The following TRIM49C variants were observed in gnomAD, a reference collection of about 807,000 sequenced individuals.
TRIM49C encodes tripartite motif containing 49C.
Under a neutral mutation model 21.4 loss-of-function variants are expected in TRIM49C, and 6 were observed. The ratio of observed to expected loss-of-function variants is 0.28; its 90% CI spans 0.15 to 0.55. The LOEUF is 0.55. Among genes scored for constraint, TRIM49C ranks in the 20% least tolerant of loss-of-function variants. The pLI is 0.94. For missense variants in TRIM49C, 161 were observed against 442.4 expected (o/e 0.36, Z 5.71); for synonymous variants, 57 against 148.1 (o/e 0.38, Z 4.47).
the TRIM49C span, among the ~76,000 whole-genome samples, chr11:90,063,295 A>G: frequency 7.9e-6 from 1 of 126,396 alleles, no homozygotes; most frequent in Non-Finnish European, 1.6e-5. Context: ...TGTAACGTAA[A>G]CCTATCCTCC....
At chr11:90,065,562 G>T in the TRIM49C span, among the ~76,000 whole-genome samples, 6 of 139,700 alleles carry the variant, frequency 4.3e-5, no homozygotes, top group Non-Finnish European at 9.3e-5. Flanking sequence ...TGGCTGATTA[G>T]GTTTATAAGG....
chr11:90,045,029 G>A (rs1327358847), downstream of TRIM49C, among the ~76,000 whole-genome samples: 1 of 110,476 alleles, frequency 9.1e-6, no homozygotes, highest in African/African-American at 3.3e-5. Context: ...TTATTAAATA[G>A]GGAATCCTTT....
At chr11:90,055,090 G>A in the TRIM49C span, among the ~76,000 whole-genome samples, 5 of 144,524 alleles carry the variant, frequency 3.5e-5, no homozygotes, top group Admixed American at 7.2e-5. Flanking sequence ...ATCTCAGATC[G>A]CTTGGAAAAA....
intron 6 of TRIM49C, among the ~76,000 whole-genome samples, chr11:90,039,349 G>A (rs1302772936): frequency 7.7e-6 from 1 of 129,526 alleles, no homozygotes; most frequent in Non-Finnish European, 1.6e-5. Flanking sequence ...AAAAAGTGTT[G>A]ATGTTTTGTT....
the TRIM49C span, among the ~76,000 whole-genome samples, chr11:90,066,222 G>A: frequency 1.8e-3 from 248 of 134,294 alleles, 26 homozygotes; most frequent in African/African-American, 6.0e-3. Context: ...GTTTCACCAT[G>A]TTGCTTAAGC....
intron 6 of TRIM49C, among the ~76,000 whole-genome samples, chr11:90,039,660 T>G (rs1165918591): frequency 7.5e-6 from 1 of 133,136 alleles, no homozygotes; most frequent in Admixed American, 8.6e-5. Flanking sequence ...AAAAGAAGGA[T>G]CAGATTGGAT....
At chr11:90,049,174 C>A in the TRIM49C span, among the ~76,000 whole-genome samples, 585 of 122,792 alleles carry the variant, frequency 4.8e-3, 154 homozygotes, top group Non-Finnish European at 8.6e-4. Context: ...CAGTCTGCCC[C>A]TACTGGGGGT....
chr11:90,038,569 T>C, intron 5 of TRIM49C, 124 bp from the exon 6 acceptor site: 1 of 1,228,706 alleles, frequency 8.1e-7, no homozygotes, highest in Non-Finnish European at 1.1e-6. Flanking sequence ...AGAAAATACT[T>C]TCCAGAAGAG....
chr11:90,052,696 C>A, the TRIM49C span: 2 of 151,498 alleles, frequency 1.3e-5, no homozygotes, highest in Non-Finnish European at 2.9e-5. Context: ...GGACACCCGC[C>A]CCTACTAGCT....
chr11:90,056,429 A>C, the TRIM49C span, among the ~76,000 whole-genome samples: 17 of 102,832 alleles, frequency 1.7e-4, no homozygotes, highest in African/African-American at 5.8e-4. Flanking sequence ...AGGAACCTTC[A>C]TCTTTCAAAG....
chr11:90,038,672 T>C, intron 5 of TRIM49C, 21 bp from the exon 6 acceptor site: 2 of 1,018,748 alleles, frequency 2.0e-6, no homozygotes, highest in Non-Finnish European at 2.7e-6. Context: ...ACTAAATCTT[T>C]CTTCTTTTTT....
At chr11:90,070,637 A>G in the TRIM49C span, among the ~76,000 whole-genome samples, 20 of 140,268 alleles carry the variant, frequency 1.4e-4, 1 homozygote, top group African/African-American at 5.1e-4. Flanking sequence ...TGCCATCATT[A>G]CTTTGTCAGA....
the TRIM49C span, among the ~76,000 whole-genome samples, chr11:90,071,369 C>A: frequency 7.1e-6 from 1 of 141,122 alleles, no homozygotes; most frequent in Non-Finnish European, 1.5e-5. Context: ...ACTTTTCTTA[C>A]TTTTCCAAGT....
chr11:90,037,300 A>T (rs1465166391), intron 4 of TRIM49C, among the ~76,000 whole-genome samples: 1 of 132,736 alleles, frequency 7.5e-6, no homozygotes, highest in African/African-American at 2.7e-5. Flanking sequence ...CCTTATTAGG[A>T]TAGGTTTTGC....
At chr11:90,048,598 C>A in the TRIM49C span, among the ~76,000 whole-genome samples, 1 of 133,850 alleles carries the variant, frequency 7.5e-6, no homozygotes, top group Non-Finnish European at 1.6e-5. Context: ...AGTTCTCCTG[C>A]CATGGTTTTC....
At chr11:90,060,097 G>A in the TRIM49C span, among the ~76,000 whole-genome samples, 2 of 143,594 alleles carry the variant, frequency 1.4e-5, no homozygotes. Context: ...AAACTTTCCA[G>A]ACCAAAGAGA....
rs375154896 is a variant in TRIM49C, at chr11:90,033,968, A to C, written c.-4-1240A>C. On this transcript the variant is annotated intron_variant, in intron 2 of 7. Transcript: ENST00000448984. The stretch of plus-strand genomic sequence containing the variant: ...CTCAAAAAAAAAAACAAAAAAAAAA[A>C]CTAAAAACACCTGACATATTTCTCA... Among the ~76,000 whole-genome samples, 73 of 124,848 alleles carry C rather than the reference A, an allele frequency of 5.8e-4. 8 individuals are homozygous for C. The highest frequency in any genetic ancestry group is 2.2e-3 in the African/African-American group (69 of 31,456). 81.9% of individuals were successfully genotyped at this position (124,848 alleles called of 152,430 possible).
chr11:90,069,417 A>C, the TRIM49C span, among the ~76,000 whole-genome samples: 17 of 131,442 alleles, frequency 1.3e-4, 5 homozygotes, highest in East Asian at 3.9e-3. Context: ...GCCTGGCCCA[A>C]AATTGAATTT....
chr11:90,032,147 C>T (rs1950692393), intron 1 of TRIM49C, among the ~76,000 whole-genome samples: 1 of 132,788 alleles, frequency 7.5e-6, no homozygotes. Flanking sequence ...TAGAGGAATG[C>T]CTGTATCATG....
Sources: allele counts gnomAD v4.1 joint callset (sites outside exome capture counted in the v4.1 genomes callset), GRCh38; gene constraint gnomAD v4.1.1; transcripts MANE v1.5; gene names NCBI Gene and HGNC (gene_info 2026-07-23, HGNC 2026-07-21).